Variants in KIF5A observed in about 807,000 individuals in gnomAD.
KIF5A encodes kinesin heavy chain isoform 5A.
A neutral mutation model predicts 141.3 loss-of-function variants in KIF5A; 35 were observed. The ratio of observed to expected loss-of-function variants is 0.25; its 90% CI spans 0.19 to 0.33. The LOEUF (loss-of-function observed/expected upper bound fraction) is 0.33, where lower values mean the gene tolerates loss of function less well. Ranked by LOEUF, KIF5A falls within the 10% of genes least tolerant of loss-of-function variation. The probability of loss-of-function intolerance (pLI) is 1.00; values close to 1 mark genes in which losing one functional copy is unlikely to be tolerated. For missense variants in KIF5A, 861 were observed against 1,314.3 expected, an observed-to-expected ratio of 0.66 and a Z score of 5.33; for synonymous variants, 448 against 500.2, an observed-to-expected ratio of 0.90 and a Z score of 1.39.
chr12:57,581,535 T>A lies in KIF5A; in HGVS notation c.2876T>A (p.Leu959Gln), dbSNP rs1342455145. The change falls in exon 25 of 29, where the codon CTG becomes CAG. Residue 959 changes from leucine to glutamine, a missense_variant. Coordinates refer to ENST00000455537, the MANE Select transcript of KIF5A (RefSeq NM_004984.4). ...TTCCAGAACTACCAGAATCTCTACC[T>A]GCAGGCCACACCCAGCTCCACCTCA... The part of the protein sequence containing the change: ...SLFQNYQNLY[L>Q]QATPSSTSDM... 1 of 1,614,004 alleles carries A rather than the reference T, an allele frequency of 6.2e-7. No homozygotes were observed. The highest frequency in any genetic ancestry group is 1.3e-5 in the African/African-American group (1 of 74,906).
chr12:57,562,406 G>A (rs1403345639), intron 1 of KIF5A, among the ~76,000 whole-genome samples: 1 of 152,146 alleles, frequency 6.6e-6, no homozygotes, highest in East Asian at 1.9e-4. Flanking sequence ...AGTAGAGATG[G>A]GGTTTCAGCA....
At chr12:57,563,369 G>A in intron 1 of KIF5A, 70 bp from the exon 2 acceptor site, 1 of 1,113,796 alleles carries the variant, frequency 9.0e-7, no homozygotes, top group Non-Finnish European at 1.4e-6. Flanking sequence ...GCTGCTGGAA[G>A]GAGGTTGTGG....
At chr12:57,555,824 G>T (rs1319337008) in intron 1 of KIF5A, among the ~76,000 whole-genome samples, 1 of 146,944 alleles carries the variant, frequency 6.8e-6, no homozygotes, top group Non-Finnish European at 1.5e-5. Context: ...CAGGAGAATC[G>T]CTTGAACCTG....
intron 6 of KIF5A, 54 bp downstream of exon 6, chr12:57,565,027 G>C: frequency 6.6e-7 from 1 of 1,526,186 alleles, no homozygotes; most frequent in Non-Finnish European, 9.1e-7. Flanking sequence ...GAATGTTGGT[G>C]GGGGAGGAGC....
Position 57,569,582 on chromosome 12 carries a change from CT to C in KIF5A, c.1017del (p.Glu340SerfsTer28). 6.2e-7 allele frequency: 1 copy of C among 1,614,084 alleles called. No homozygotes were observed. The highest frequency in any genetic ancestry group is 8.5e-7 in the Non-Finnish European group (1 of 1,180,016). On this transcript the variant is annotated frameshift_variant, in exon 11 of 29. Coordinates refer to ENST00000455537, the MANE Select transcript of KIF5A (RefSeq NM_004984.4). LOFTEE classifies it high-confidence loss of function. ...NTASVNLELTAEQWKKKYEKE... is the reference protein window; with the variant it reads ...NTASVNLELTXEQWKKKYEKE... The stretch of plus-strand genomic sequence containing the variant: ...GCCTCAGTAAATTTGGAGTTGACTG[CT>C]GAGCAGTGGAAGAAGAAATATGAGA...
intron 1 of KIF5A, among the ~76,000 whole-genome samples, chr12:57,563,054 T>G (rs1364448611): frequency 2.6e-5 from 4 of 151,666 alleles, no homozygotes; most frequent in African/African-American, 7.3e-5. Flanking sequence ...ATCGCCAGGC[T>G]GGAGTGCAGT....
intron 1 of KIF5A, among the ~76,000 whole-genome samples, chr12:57,553,099 T>C (rs538320970): frequency 6.6e-6 from 1 of 152,246 alleles, no homozygotes; most frequent in East Asian, 1.9e-4. Flanking sequence ...GTTTTGCTTT[T>C]GCACACTCAG....
intron 6 of KIF5A, among the ~76,000 whole-genome samples, chr12:57,566,046 C>T (rs989349567): frequency 3.3e-5 from 5 of 151,800 alleles, no homozygotes; most frequent in African/African-American, 9.7e-5. Flanking sequence ...TTGCAGTGAG[C>T]CATGATAGTG....
intron 6 of KIF5A, among the ~76,000 whole-genome samples, chr12:57,565,321 T>C (rs1882030683): frequency 6.6e-6 from 1 of 152,032 alleles, no homozygotes. Flanking sequence ...TTTGGGACAC[T>C]GAAGCAGGAG....
chr12:57,564,228 C>T lies in KIF5A; in HGVS notation c.396+16C>T. 6.5e-7 allele frequency: 1 copy of T among 1,539,100 alleles called. No individual in the cohort carries two copies. Among genetic ancestry groups the T allele is most frequent in the Admixed American group, 1.7e-5 (1 of 59,956 alleles). ...CCACATCAAGGTGACCAGGGCACGA[C>T]AGCTGGGCATTCAGATGGGGACTGG... On this transcript the variant is annotated intron_variant, in intron 4 of 28. Transcript: ENST00000455537.
At chr12:57,563,330 G>C in intron 1 of KIF5A, 109 bp from the exon 2 acceptor site, 1 of 784,758 alleles carries the variant, frequency 1.3e-6, no homozygotes, top group Non-Finnish European at 2.3e-6. Flanking sequence ...TGTTCATTAA[G>C]GGCATTGAAG....
chr12:57,561,704 C>T (rs1195737177), intron 1 of KIF5A, among the ~76,000 whole-genome samples: 1 of 152,036 alleles, frequency 6.6e-6, no homozygotes, highest in East Asian at 1.9e-4. Context: ...AATGCTCGTA[C>T]ATAGTTTAAA....
chr12:57,581,302 A>C, intron 24 of KIF5A, 113 bp from the exon 25 acceptor site: 1 of 1,546,888 alleles, frequency 6.5e-7, no homozygotes, highest in Non-Finnish European at 8.9e-7. Context: ...CCAAAAAGTA[A>C]AAAAGTGATT....
rs387907285 is a variant in KIF5A, at chr12:57,568,999, G to A, written c.751G>A (p.Glu251Lys). The A allele has an allele frequency of 6.2e-7, 1 of 1,613,954 alleles. No individual in the cohort carries two copies. The highest frequency in any genetic ancestry group is 8.5e-7 in the Non-Finnish European group (1 of 1,180,002). ...TGGAGCAGAGGGAGCCGTGCTGGACGAGGCAAAGAATATCAACAAGTCACT... is the reference window on the plus strand; with the variant it reads ...TGGAGCAGAGGGAGCCGTGCTGGACAAGGCAAAGAATATCAACAAGTCACT... The part of the protein sequence containing the change: ...KTGAEGAVLD[E>K]AKNINKSLSA... Residue 251 changes from glutamate to lysine, a missense_variant, in exon 9 of 29, where the codon GAG becomes AAG. By Grantham distance (56) the Glu-to-Lys change is moderately conservative. This residue lies in a region of KIF5A where 146 missense variants were observed against 353.4 expected (regional missense o/e 0.41). Transcript: ENST00000455537.
intron 23 of KIF5A, among the ~76,000 whole-genome samples, chr12:57,578,548 A>C (rs80261054): frequency 1.1e-4 from 16 of 152,274 alleles, no homozygotes; most frequent in Non-Finnish European, 2.2e-4. Context: ...CCCTTCTCAA[A>C]GTTTCTAACC....
rs769513894 is a variant in KIF5A, at chr12:57,571,344, C to T, written c.1317C>T (p.Ser439=). ...DDKDDEINQQ[S]QLIEKLKQQM... ...AGGATGATGAAATCAACCAACAAAG[C>T]CAACTCATAGAGAAGCTCAAGCAGC... Residue 439 remains serine (S), a synonymous_variant, in exon 13 of 29, where the codon AGC becomes AGT. Transcript: ENST00000455537. The T allele has an allele frequency of 5.0e-6, 8 of 1,613,072 alleles. No individual in the cohort carries two copies. The highest frequency in any genetic ancestry group is 4.0e-5 in the African/African-American group (3 of 74,960).
rs1702287725 is a variant in KIF5A, at chr12:57,582,637, A to C, written c.3020+8A>C. 1 of 1,606,024 alleles carries C rather than the reference A, an allele frequency of 6.2e-7. No homozygotes were observed. Among genetic ancestry groups the C allele is most frequent in the South Asian group, 1.1e-5 (1 of 90,908 alleles). The stretch of plus-strand genomic sequence containing the variant: ...AGATATCAATGACAATAGGTACAAC[A>C]GTCCCCACTACCCCTGGGTTCTCTG... On this transcript the variant is annotated splice_region_variant and intron_variant, in intron 27 of 28. Transcript: ENST00000455537.
At chr12:57,578,105 T>C in intron 22 of KIF5A, 25 bp downstream of exon 22, 1 of 1,605,278 alleles carries the variant, frequency 6.2e-7, no homozygotes, top group Non-Finnish European at 8.5e-7. Context: ...TGGGGTTTTG[T>C]CAGCCCCCAC....
intron 1 of KIF5A, among the ~76,000 whole-genome samples, chr12:57,558,369 G>A (rs976764223): frequency 1.3e-5 from 2 of 151,600 alleles, no homozygotes; most frequent in East Asian, 2.0e-4. Context: ...GTGAAACCTC[G>A]TCTCTACTAA....
Sources: allele counts gnomAD v4.1 joint callset (sites outside exome capture counted in the v4.1 genomes callset), GRCh38; gene constraint gnomAD v4.1.1; regional missense constraint gnomAD v4.1.1; transcripts MANE v1.5; gene names NCBI Gene and HGNC (gene_info 2026-07-23, HGNC 2026-07-21).